TANC1: variants seen among roughly 807,000 people sequenced by gnomAD.
The protein encoded by TANC1 is tetratricopeptide repeat, ankyrin repeat and coiled-coil containing 1, also known as protein TANC1.
A neutral mutation model predicts 149.7 loss-of-function variants in TANC1; 77 were observed. The observed-to-expected ratio is 0.51, with a 90% CI of 0.43 to 0.62. The LOEUF is 0.62. Ranked by LOEUF, TANC1 falls within the 20% of genes least tolerant of loss-of-function variation. The probability of loss-of-function intolerance (pLI) is 0.00; values close to 1 mark genes in which losing one functional copy is unlikely to be tolerated. For missense variants in TANC1, 1,985 were observed against 2,321.8 expected, an observed-to-expected ratio of 0.85 and a Z score of 2.98; for synonymous variants, 854 against 925.0, an observed-to-expected ratio of 0.92 and a Z score of 1.39.
intron 2 of TANC1, among the ~76,000 whole-genome samples, chr2:159,034,596 G>C (rs2040034890): frequency 6.6e-6 from 1 of 152,180 alleles, no homozygotes. Flanking sequence ...AACAGTACTA[G>C]CAGGACACCT....
At chr2:159,204,706 G>C (rs6754390) in intron 19 of TANC1, among the ~76,000 whole-genome samples, 48,832 of 152,130 alleles carry the variant, frequency 0.32, 8,681 homozygotes, top group South Asian at 0.52. Flanking sequence ...ATCGGAGTTG[G>C]TTAAAAGTGT....
chr2:159,127,076 G>A (rs1310997272), intron 4 of TANC1, among the ~76,000 whole-genome samples: 1 of 152,312 alleles, frequency 6.6e-6, no homozygotes, highest in Non-Finnish European at 1.5e-5. Flanking sequence ...GAACTTGAAA[G>A]TGTTAACATT....
chr2:159,217,734 G>C (rs995721660), intron 20 of TANC1, 104 bp downstream of exon 20: 4 of 1,428,940 alleles, frequency 2.8e-6, no homozygotes, highest in Non-Finnish European at 3.8e-6. Context: ...GAGCCTGTCT[G>C]TTCCCCATCC....
chr2:159,162,458 G>T (rs938485498), intron 7 of TANC1, among the ~76,000 whole-genome samples: 2 of 152,178 alleles, frequency 1.3e-5, no homozygotes, highest in African/African-American at 4.8e-5. Context: ...GTTGCAAGGG[G>T]ATCCCATATG....
intron 3 of TANC1, among the ~76,000 whole-genome samples, chr2:159,096,892 A>G (rs1467556308): frequency 2.0e-5 from 3 of 152,232 alleles, no homozygotes; most frequent in Non-Finnish European, 4.4e-5. Context: ...AAAATGGAGA[A>G]TCAAAGAATA....
intron 10 of TANC1, 77 bp downstream of exon 10, chr2:159,170,882 A>T (rs2150471287): frequency 1.3e-6 from 2 of 1,504,424 alleles, no homozygotes; most frequent in East Asian, 4.6e-5. Context: ...CATAGACATA[A>T]AATACCAATT....
At chr2:159,040,431 C>T (rs540412895) in intron 2 of TANC1, among the ~76,000 whole-genome samples, 2 of 152,272 alleles carry the variant, frequency 1.3e-5, no homozygotes, top group South Asian at 4.2e-4. Flanking sequence ...CACATAGTCC[C>T]ATATTTCTTG....
intron 15 of TANC1, 105 bp downstream of exon 15, chr2:159,186,004 C>T: frequency 2.5e-6 from 2 of 793,120 alleles, no homozygotes; most frequent in South Asian, 3.4e-5. Context: ...ACGCTCCATG[C>T]ACCTCAGCCC....
intron 4 of TANC1, among the ~76,000 whole-genome samples, chr2:159,111,738 C>G (rs2047747679): frequency 6.6e-6 from 1 of 152,136 alleles, no homozygotes; most frequent in Non-Finnish European, 1.5e-5. Flanking sequence ...CAAGTGAGGT[C>G]ATTGTGCCCT....
At chr2:158,998,762 C>T (rs2036364652) in intron 1 of TANC1, among the ~76,000 whole-genome samples, 1 of 152,160 alleles carries the variant, frequency 6.6e-6, no homozygotes, top group Non-Finnish European at 1.5e-5. Flanking sequence ...AGCTCTGGGA[C>T]AGAACTGAGC....
intron 2 of TANC1, among the ~76,000 whole-genome samples, chr2:159,023,835 G>A (rs946969600): frequency 2.0e-5 from 3 of 151,960 alleles, no homozygotes; most frequent in Admixed American, 1.3e-4. Flanking sequence ...GGGTATTATG[G>A]CACATGCCTG....
At chr2:159,151,996 T>A (rs997318487) in intron 7 of TANC1, among the ~76,000 whole-genome samples, 3 of 152,162 alleles carry the variant, frequency 2.0e-5, no homozygotes, top group Admixed American at 2.0e-4. Context: ...CACACTCTAT[T>A]TCCTACTCCA....
At chr2:159,051,309 C>T (rs1323756395) in intron 2 of TANC1, among the ~76,000 whole-genome samples, 2 of 152,132 alleles carry the variant, frequency 1.3e-5, no homozygotes, top group African/African-American at 4.8e-5. Flanking sequence ...CCTATTCCTC[C>T]CCAAGAAAAG....
chr2:159,217,511 G>T lies in TANC1; in HGVS notation c.3259G>T (p.Ala1087Ser). ...LWGETALTAA[A>S]GRGKLEVCEL... is the part of the protein sequence containing the mutation. ...CTTTCCTTTAGCCCTGACTGCCGCC[G>T]CAGGAAGAGGGAAGCTGGAGGTCTG... The change falls in exon 20 of 27, where the codon GCA becomes TCA. Residue 1087 changes from alanine (A) to serine (S), a missense_variant. Physicochemically the swap from Ala to Ser is moderately conservative, Grantham distance 99 (BLOSUM62 1). Transcript: ENST00000263635. The T allele has an allele frequency of 6.2e-7, 1 of 1,614,168 alleles. No individual in the cohort carries two copies. Among genetic ancestry groups the T allele is most frequent in the Non-Finnish European group, 8.5e-7 (1 of 1,180,040 alleles).
At chr2:159,009,758 C>A (rs191022194) in intron 2 of TANC1, among the ~76,000 whole-genome samples, 2 of 152,004 alleles carry the variant, frequency 1.3e-5, no homozygotes, top group Admixed American at 6.6e-5. Context: ...TTTTGAATGT[C>A]CCCAACACAA....
chr2:159,042,096 C>A (rs1471176721), intron 2 of TANC1, among the ~76,000 whole-genome samples: 1 of 152,144 alleles, frequency 6.6e-6, no homozygotes, highest in East Asian at 1.9e-4. Flanking sequence ...TGGTTTCCTT[C>A]CAGAGAAACC....
chr2:159,004,509 A>ATT (rs1044175945), intron 2 of TANC1, among the ~76,000 whole-genome samples: 2 of 151,006 alleles, frequency 1.3e-5, no homozygotes, highest in African/African-American at 4.9e-5. Context: ...TCCTCCCAGG[A>ATT]TTTTTTTTTG....
At chr2:159,127,791 C>T (rs555773460) in intron 4 of TANC1, among the ~76,000 whole-genome samples, 10 of 152,194 alleles carry the variant, frequency 6.6e-5, no homozygotes, top group Non-Finnish European at 1.2e-4. Flanking sequence ...TTGATAGGTG[C>T]AGCAAACCAC....
chr2:159,219,229 C>G lies in TANC1; in HGVS notation c.3379-9C>G, dbSNP rs745665376. On this transcript the variant is annotated splice_polypyrimidine_tract_variant and intron_variant, in intron 20 of 26. Transcript: ENST00000263635. Reference sequence around the variant, plus strand: ...GCAGGAGGATGGTAATTCCAAATGTCTCTTCCAGATTGTTAGACTGCTGTT... The same window carrying G: ...GCAGGAGGATGGTAATTCCAAATGTGTCTTCCAGATTGTTAGACTGCTGTT... The G allele has an allele frequency of 1.7e-5, 28 of 1,614,016 alleles. No homozygotes were observed. The highest frequency in any genetic ancestry group is 2.7e-5 in the African/African-American group (2 of 74,922).
Sources: allele counts gnomAD v4.1 joint callset (sites outside exome capture counted in the v4.1 genomes callset), GRCh38; gene constraint gnomAD v4.1.1; transcripts MANE v1.5; gene names NCBI Gene and HGNC (gene_info 2026-07-23, HGNC 2026-07-21).